HAO2: variants seen among roughly 807,000 people sequenced by gnomAD.
The protein encoded by HAO2 is hydroxyacid oxidase 2.
Under a neutral mutation model 37.4 loss-of-function variants are expected in HAO2, and 42 were observed. That is an observed-to-expected ratio of 1.12 (90% CI 0.88 to 1.45). The LOEUF is 1.45. Among genes scored for constraint, HAO2 ranks in the 40% most tolerant of loss-of-function variants. The pLI, the probability that HAO2 is intolerant of heterozygous loss-of-function variation, is 0.00. For synonymous variants in HAO2, 180 were observed against 162.8 expected (o/e 1.11, Z -0.81); for missense variants, 476 against 430.2 (o/e 1.11, Z -0.94).
intron 1 of HAO2, among the ~76,000 whole-genome samples, chr1:119,376,038 C>T (rs1649429614): frequency 6.6e-6 from 1 of 152,112 alleles, no homozygotes; most frequent in Non-Finnish European, 1.5e-5. Context: ...TCATGCCTTC[C>T]CAACAGTTCC....
intron 7 of HAO2, 92 bp downstream of exon 7, chr1:119,392,779 G>C: frequency 2.4e-6 from 2 of 833,576 alleles, no homozygotes; most frequent in Non-Finnish European, 4.3e-6. Flanking sequence ...ACCCTTTCCT[G>C]ATGTGGTAGC....
intron 2 of HAO2, among the ~76,000 whole-genome samples, chr1:119,382,477 T>G (rs976057759): frequency 6.6e-6 from 1 of 152,184 alleles, no homozygotes; most frequent in African/African-American, 2.4e-5. Context: ...TTCAGTGACC[T>G]TTTCTTACTT....
intron 1 of HAO2, among the ~76,000 whole-genome samples, chr1:119,379,466 A>T (rs1016141705): frequency 1.3e-5 from 2 of 152,188 alleles, no homozygotes; most frequent in Non-Finnish European, 2.9e-5. Flanking sequence ...TAGTTCTTTT[A>T]TGCTTTTATG....
chr1:119,393,796 G>T lies in HAO2; in HGVS notation c.1012G>T (p.Val338Phe), dbSNP rs143670501. The T allele has an allele frequency of 1.7e-4, 269 of 1,613,176 alleles. 2 individuals carry two copies. The highest frequency in any genetic ancestry group is 6.5e-4 in the South Asian group (59 of 91,050). Residue 338 changes from valine to phenylalanine, a missense_variant, in exon 8 of 8, where the codon GTC (valine) becomes TTC (phenylalanine). By Grantham distance (50) the Val-to-Phe change is conservative (BLOSUM62 -1). Transcript: ENST00000325945. ...CATTGTTCTTTTAGGCTGCCGGTCG[G>T]TCGCTGAGATCAATCGAAACTTGGT... ...TSMALTGCRS[V>F]AEINRNLVQF...
rs1189734445 is a variant in HAO2, at chr1:119,386,811, C to T, written c.751C>T (p.Leu251Phe). 2.5e-6 allele frequency: 4 copies of T among 1,610,216 alleles called. No homozygotes were observed. The highest frequency in any genetic ancestry group is 4.5e-5 in the East Asian group (2 of 44,852). ...TGTTTCCAACCATGGTGGGAGGCAG[C>T]TTGATGAGGTTCTTGCTTCAGTAAG... is the stretch of plus-strand genomic sequence containing the variant. ...IIVSNHGGRQ[L>F]DEVLASIDAL... The change falls in exon 5 of 8, where the codon CTT (leucine) becomes TTT (phenylalanine). Residue 251 changes from leucine to phenylalanine, a missense_variant. Physicochemically the swap from Leu to Phe is conservative, Grantham distance 22 (BLOSUM62 0). Transcript: ENST00000325945.
chr1:119,377,932 T>C (rs957142753), intron 1 of HAO2, among the ~76,000 whole-genome samples: 5 of 152,150 alleles, frequency 3.3e-5, no homozygotes, highest in Non-Finnish European at 7.4e-5. Flanking sequence ...CTGGGTGTGG[T>C]GGCACATGCC....
Position 119,384,990 on chromosome 1 carries a change from A to G in HAO2, c.498A>G (p.Arg166=), listed in dbSNP as rs1650266446. The part of the protein sequence containing the change: ...TLDTPVCGNR[R]HDIRNQLRRN... Reference sequence around the variant, plus strand: ...ATACACCTGTATGTGGCAACAGGCGACATGACATTCGAAACCAGTTGAGGA... The same window carrying G: ...ATACACCTGTATGTGGCAACAGGCGGCATGACATTCGAAACCAGTTGAGGA... The change falls in exon 4 of 8, where the codon CGA becomes CGG. Residue 166 remains arginine (R), a synonymous_variant. Coordinates refer to ENST00000325945, the MANE Select transcript of HAO2 (RefSeq NM_016527.4). The G allele has an allele frequency of 6.2e-7, 1 of 1,613,858 alleles. No individual in the cohort carries two copies. The highest frequency in any genetic ancestry group is 8.5e-7 in the Non-Finnish European group (1 of 1,179,888).
intron 5 of HAO2, among the ~76,000 whole-genome samples, chr1:119,388,777 T>A (rs887843789): frequency 6.6e-5 from 10 of 152,132 alleles, no homozygotes; most frequent in South Asian, 6.2e-4. Context: ...TGAGTTTTTT[T>A]AAAAAAATTA....
At chr1:119,390,030 A>C (rs1351591986) in intron 5 of HAO2, among the ~76,000 whole-genome samples, 1 of 151,994 alleles carries the variant, frequency 6.6e-6, no homozygotes, top group African/African-American at 2.4e-5. Flanking sequence ...TCCCAGCAGC[A>C]TTGTTAAATA....
intron 1 of HAO2, chr1:119,380,612 G>T: frequency 2.1e-6 from 2 of 963,050 alleles, no homozygotes; most frequent in Non-Finnish European, 3.3e-6. Context: ...TAGAAAGCTG[G>T]GAATGCCATG....
chr1:119,374,596 AAAGT>A (rs1649296463), intron 1 of HAO2, among the ~76,000 whole-genome samples: 1 of 152,200 alleles, frequency 6.6e-6, no homozygotes, highest in South Asian at 2.1e-4. Context: ...AGTGTACCTT[AAAGT>A]GAGTCATCAG....
chr1:119,393,747 T>G (rs1651098723), intron 7 of HAO2, 38 bp from the exon 8 acceptor site: 1 of 1,601,204 alleles, frequency 6.2e-7, no homozygotes. Flanking sequence ...TTGCTTGTGT[T>G]TGACAAAAAT....
rs192057856 is a variant in HAO2 at position 119,375,154 on chromosome 1, A to C, written c.-8-5924A>C. Among the ~76,000 whole-genome samples, 22 of 152,342 alleles carry C rather than the reference A, an allele frequency of 1.4e-4. No homozygotes were observed. The East Asian group carries it at 3.7e-3, about 25-fold the overall frequency. ...AAAAAGGAAAAAAGAAAAAACATTG[A>C]AATGGAGACAAAATAAAATGGGAAT... On this transcript the variant is annotated intron_variant, in intron 1 of 7. Transcript: ENST00000325945.
At chr1:119,369,906 G>A (rs146775780) in intron 1 of HAO2, among the ~76,000 whole-genome samples, 29 of 151,996 alleles carry the variant, frequency 1.9e-4, no homozygotes, top group Middle Eastern at 3.5e-3. Flanking sequence ...CTAGTGTTTA[G>A]CATAATACTT....
At chr1:119,393,409 C>T (rs1276349921) in intron 7 of HAO2, among the ~76,000 whole-genome samples, 1 of 152,118 alleles carries the variant, frequency 6.6e-6, no homozygotes, top group Admixed American at 6.6e-5. Context: ...ATACTCACCC[C>T]ATCTCTTTTG....
At chr1:119,391,990 G>A (rs1650949732) in intron 5 of HAO2, 120 bp from the exon 6 acceptor site, 1 of 804,382 alleles carries the variant, frequency 1.2e-6, no homozygotes, top group South Asian at 1.9e-5. Context: ...CTCAAGCATG[G>A]GAGGGGAAGA....
At chr1:119,381,282 T>C (rs1649917984) in intron 2 of HAO2, 66 bp downstream of exon 2, 1 of 1,129,748 alleles carries the variant, frequency 8.9e-7, no homozygotes, top group Admixed American at 1.8e-5. Flanking sequence ...ACTTGGACAG[T>C]AGTAGTCCTG....
Position 119,392,316 on chromosome 1 carries a change from C to G in HAO2, c.930+48C>G, listed in dbSNP as rs145105771. ...GCAAGAAGATACAGAGCTTCTCATTCATTTCTGTGCTTTCCTGTGGTTCAT... is the reference window on the plus strand; with the variant it reads ...GCAAGAAGATACAGAGCTTCTCATTGATTTCTGTGCTTTCCTGTGGTTCAT... On this transcript the variant is annotated intron_variant, in intron 6 of 7. Coordinates refer to ENST00000325945, the MANE Select transcript of HAO2 (RefSeq NM_016527.4). 352 of 1,436,520 alleles carry G rather than the reference C, an allele frequency of 2.5e-4. 1 individual carries two copies. The highest frequency in any genetic ancestry group is 3.9e-4 in the Admixed American group (20 of 50,722). The allele number at this position is 1,436,520 out of a possible 1,614,324, so 89.0% of individuals were successfully genotyped here.
chr1:119,382,593 G>T (rs1650040032), intron 2 of HAO2, among the ~76,000 whole-genome samples: 1 of 152,188 alleles, frequency 6.6e-6, no homozygotes, highest in Non-Finnish European at 1.5e-5. Context: ...TCCAAGTGCT[G>T]CAGTGTAGTC....
Sources: gnomAD v4.1 joint callset for allele counts (sites outside exome capture counted in the v4.1 genomes callset) on GRCh38, gnomAD v4.1.1 for gene constraint, MANE v1.5 for transcripts, NCBI Gene and HGNC (gene_info 2026-07-23, HGNC 2026-07-21) for gene names.